Variants in DNAH14 observed in about 807,000 individuals in gnomAD.
DNAH14 encodes axonemal beta dynein heavy chain 14.
DNAH14 carries 478 observed loss-of-function variants against 520.9 expected under a neutral mutation model. The observed-to-expected ratio is 0.92, with a 90% CI of 0.85 to 0.99. The LOEUF (loss-of-function observed/expected upper bound fraction) is 0.99. Among genes scored for constraint, DNAH14 ranks in the 50% least tolerant of loss-of-function variants. The pLI, the probability that DNAH14 is intolerant of heterozygous loss-of-function variation, is 0.00. For missense variants in DNAH14, 4,831 were observed against 5,234.5 expected, an observed-to-expected ratio of 0.92 and a Z score of 2.38; for synonymous variants, 1,581 against 1,757.2, an observed-to-expected ratio of 0.90 and a Z score of 2.51.
At chr1:225,292,367 A>G (rs1298790737) in intron 55 of DNAH14, among the ~76,000 whole-genome samples, 9 of 151,796 alleles carry the variant, frequency 5.9e-5, no homozygotes, top group Admixed American at 5.3e-4. Flanking sequence ...ACTTTTTTCC[A>G]TTGTATGTTC....
chr1:225,024,396 ATT>A (rs1485231770), intron 11 of DNAH14: 2 of 355,054 alleles, frequency 5.6e-6, no homozygotes, highest in Non-Finnish European at 7.9e-6. Context: ...AAAACAAAGC[ATT>A]TTTCTTATTT....
chr1:225,239,053 A>G (rs1197654807), intron 42 of DNAH14, among the ~76,000 whole-genome samples: 2 of 152,182 alleles, frequency 1.3e-5, no homozygotes, highest in Non-Finnish European at 2.9e-5. Context: ...CACAGCCTCC[A>G]GCCTATTGCC....
chr1:225,330,495 C>A (rs1240022572), intron 64 of DNAH14, among the ~76,000 whole-genome samples: 1 of 152,138 alleles, frequency 6.6e-6, no homozygotes, highest in Non-Finnish European at 1.5e-5. Context: ...GAGGTCTTGT[C>A]ATTTGCAACA....
At chr1:225,214,053 A>T (rs189148276) in intron 41 of DNAH14, among the ~76,000 whole-genome samples, 1 of 152,180 alleles carries the variant, frequency 6.6e-6, no homozygotes. Context: ...TTTGTCATAA[A>T]TAACTCTTAT....
chr1:225,039,221 A>G (rs1037424527), intron 12 of DNAH14, among the ~76,000 whole-genome samples: 1 of 152,174 alleles, frequency 6.6e-6, no homozygotes, highest in African/African-American at 2.4e-5. Flanking sequence ...GTTGTATGCT[A>G]TTTTACATAG....
intron 53 of DNAH14, among the ~76,000 whole-genome samples, chr1:225,276,403 A>G (rs10082306): frequency 0.11 from 16,882 of 152,216 alleles, 1,443 homozygotes; most frequent in East Asian, 0.24. Context: ...TCATGAAGAT[A>G]AATGCAAAAC....
intron 27 of DNAH14, among the ~76,000 whole-genome samples, chr1:225,126,763 T>A (rs2077756710): frequency 6.6e-6 from 1 of 152,172 alleles, no homozygotes; most frequent in African/African-American, 2.4e-5. Flanking sequence ...TTGAATGTGT[T>A]TGCTCTTGCT....
rs115758456 is a variant in DNAH14 at position 225,239,474 on chromosome 1, C to T, written c.6519-1119C>T. ...CACTCGCAGGTGGACCATCACCCGACTCTGCTTTTCTTCATTCTCCATGGG... is the reference window on the plus strand; with the variant it reads ...CACTCGCAGGTGGACCATCACCCGATTCTGCTTTTCTTCATTCTCCATGGG... On this transcript the variant is annotated intron_variant, in intron 42 of 85. Coordinates refer to ENST00000682510, the MANE Select transcript of DNAH14 (RefSeq NM_001367479.1). Among the ~76,000 whole-genome samples the T allele has an allele frequency of 5.9e-3, 892 of 152,284 alleles. 9 individuals are homozygous for T. Among genetic ancestry groups the T allele is most frequent in the Middle Eastern group, 0.01 (3 of 294 alleles).
chr1:224,967,621 A>G (rs1436773916), intron 6 of DNAH14, 38 bp downstream of exon 6: 1 of 1,593,842 alleles, frequency 6.3e-7, no homozygotes, highest in Non-Finnish European at 8.5e-7. Flanking sequence ...TCAGAATTAT[A>G]TTACAAAAAT....
chr1:225,119,282 A>T lies in DNAH14; in HGVS notation c.4154A>T (p.Asp1385Val). Residue 1385 changes from aspartate to valine, a missense_variant, in exon 26 of 86, where the codon GAT becomes GTT. Transcript: ENST00000682510. Reference protein sequence around the residue: ...WLVNVEKSMFDVLKKFLSQGI... With the variant: ...WLVNVEKSMFVVLKKFLSQGI... ...GTAAATGTAGAAAAAAGCATGTTCGATGTGCTAAAAAAGTAAGTACAATTT... is the reference window on the plus strand; with the variant it reads ...GTAAATGTAGAAAAAAGCATGTTCGTTGTGCTAAAAAAGTAAGTACAATTT... 1 of 1,521,818 alleles carries T rather than the reference A, an allele frequency of 6.6e-7. No individual in the cohort carries two copies. Among genetic ancestry groups the T allele is most frequent in the Non-Finnish European group, 8.8e-7 (1 of 1,132,476 alleles). The allele number at this position is 1,521,818 out of a possible 1,614,324, so 94.3% of individuals were successfully genotyped here.
intron 23 of DNAH14, among the ~76,000 whole-genome samples, chr1:225,114,696 A>T (rs1451996316): frequency 1.3e-5 from 2 of 152,194 alleles, no homozygotes; most frequent in Non-Finnish European, 2.9e-5. Context: ...CCCTCTGGCT[A>T]GGGCTGGTCT....
At chr1:225,273,527 A>G (rs1172716209) in intron 52 of DNAH14, among the ~76,000 whole-genome samples, 1 of 152,262 alleles carries the variant, frequency 6.6e-6, no homozygotes, top group Non-Finnish European at 1.5e-5. Flanking sequence ...TATAATACTG[A>G]AAGAAATGTA....
At chr1:225,197,766 T>C (rs1262265182) in intron 38 of DNAH14, among the ~76,000 whole-genome samples, 2 of 152,308 alleles carry the variant, frequency 1.3e-5, no homozygotes, top group East Asian at 3.9e-4. Flanking sequence ...CTTCATTAGG[T>C]ATATTCCTAA....
chr1:225,088,639 T>C (rs1305936605), intron 21 of DNAH14, among the ~76,000 whole-genome samples: 1 of 152,160 alleles, frequency 6.6e-6, no homozygotes, highest in African/African-American at 2.4e-5. Flanking sequence ...ATTTTCCAAA[T>C]GTTTTGAAAA....
intron 76 of DNAH14, among the ~76,000 whole-genome samples, chr1:225,366,478 CT>C (rs1473268343): frequency 6.6e-6 from 1 of 152,250 alleles, no homozygotes; most frequent in East Asian, 1.9e-4. Context: ...CAGACACCTA[CT>C]TTTAGAGATA....
At chr1:225,253,802 T>A (rs902425572) in intron 44 of DNAH14, among the ~76,000 whole-genome samples, 27 of 152,136 alleles carry the variant, frequency 1.8e-4, no homozygotes, top group Non-Finnish European at 5.9e-5. Flanking sequence ...AGGAAAATGA[T>A]GAAAAAGTTA....
intron 22 of DNAH14, among the ~76,000 whole-genome samples, chr1:225,098,060 G>T (rs1268633617): frequency 6.6e-6 from 1 of 152,128 alleles, no homozygotes. Context: ...AGGTTTAGTA[G>T]CACATGCCTG....
At chr1:224,951,399 A>AT (rs35121883) in intron 1 of DNAH14, among the ~76,000 whole-genome samples, 38,433 of 146,886 alleles carry the variant, frequency 0.26, 11,280 homozygotes, top group African/African-American at 0.72. Context: ...TGATTTAGGG[A>AT]TTTTTTTTTT....
At chr1:225,027,743 C>T (rs552180577) in intron 11 of DNAH14, among the ~76,000 whole-genome samples, 26 of 152,094 alleles carry the variant, frequency 1.7e-4, no homozygotes, top group Non-Finnish European at 3.2e-4. Context: ...CACCAGACCC[C>T]TCCTTCAACA....
Sources: gnomAD v4.1 joint callset for allele counts (sites outside exome capture counted in the v4.1 genomes callset) on GRCh38, gnomAD v4.1.1 for gene constraint, MANE v1.5 for transcripts, NCBI Gene and HGNC (gene_info 2026-07-23, HGNC 2026-07-21) for gene names.